DEPDC1B: variants seen among roughly 807,000 people sequenced by gnomAD.
DEPDC1B encodes the protein DEP domain-containing protein 1B.
Under a neutral mutation model 66.5 loss-of-function variants are expected in DEPDC1B, and 51 were observed. The ratio of observed to expected loss-of-function variants is 0.77; its 90% confidence interval spans 0.61 to 0.97. The LOEUF is 0.97. Among genes scored for constraint, DEPDC1B ranks in the 50% least tolerant of loss-of-function variants. DEPDC1B has a pLI of 0.00. For synonymous variants in DEPDC1B, 226 were observed against 223.6 expected (o/e 1.01, Z -0.10); for missense variants, 552 against 637.1 (o/e 0.87, Z 1.44).
rs1217063928 is a variant in DEPDC1B, at chr5:60,683,957, T to A, written c.314+3005A>T. Among the ~76,000 whole-genome samples the A allele has an allele frequency of 3.3e-5, 5 of 150,454 alleles. No individual in the cohort carries two copies. In the East Asian group the frequency reaches 9.8e-4, roughly 29 times the overall value. The stretch of plus-strand genomic sequence containing the variant: ...AATCAGTAGCATTTCTATACACCAA[T>A]AACAAACTAGCTGAAAAGAAATCAA... On this transcript the variant is annotated intron_variant, in intron 2 of 10. Transcript: ENST00000265036.
At chr5:60,656,678 T>A (rs979508928) in intron 2 of DEPDC1B, among the ~76,000 whole-genome samples, 2 of 152,126 alleles carry the variant, frequency 1.3e-5, no homozygotes, top group Non-Finnish European at 2.9e-5. Flanking sequence ...GTGTCCTTCT[T>A]CACAAGGCAG....
Position 60,616,152 on chromosome 5 carries a change from C to T in DEPDC1B, c.899-10296G>A, listed in dbSNP as rs368167388. Among the ~76,000 whole-genome samples the T allele has an allele frequency of 1.3e-4, 20 of 152,226 alleles. No homozygotes were observed. The East Asian group carries it at 3.9e-3, about 29-fold the overall frequency. On this transcript the variant is annotated intron_variant, in intron 7 of 10. Coordinates refer to ENST00000265036, the MANE Select transcript of DEPDC1B (RefSeq NM_018369.3). ...CAAAACCCCATCTGTACGTCACCAT[C>T]ATCAAAGACCAAAGGTAAATAAAAC...
At chr5:60,691,986 T>C (rs924861745) in intron 1 of DEPDC1B, among the ~76,000 whole-genome samples, 1 of 152,166 alleles carries the variant, frequency 6.6e-6, no homozygotes, top group African/African-American at 2.4e-5. Flanking sequence ...ATATACAATA[T>C]AATACTATTC....
At chr5:60,625,306 T>C (rs1028115131) in intron 7 of DEPDC1B, among the ~76,000 whole-genome samples, 38 of 152,192 alleles carry the variant, frequency 2.5e-4, no homozygotes, top group African/African-American at 8.7e-4. Flanking sequence ...TTCTAGATCC[T>C]TGAGGAATTG....
chr5:60,636,677 C>G (rs979404131), intron 7 of DEPDC1B, among the ~76,000 whole-genome samples: 1 of 151,960 alleles, frequency 6.6e-6, no homozygotes, highest in Admixed American at 6.6e-5. Flanking sequence ...ATCTAGAAGG[C>G]CTTCTTCTTT....
Position 60,597,190 on chromosome 5 carries a change from A to G in DEPDC1B, c.*563T>C. On this transcript the variant is annotated 3_prime_UTR_variant, in exon 11 of 11. Coordinates refer to ENST00000265036, the MANE Select transcript of DEPDC1B (RefSeq NM_018369.3). ...AACACTAGCTTTAGTAAAATCTGTC[A>G]TAACATCCAATAAATCTGCAATAAA... is the stretch of plus-strand genomic sequence containing the variant. The G allele has an allele frequency of 6.6e-6, 1 of 152,654 alleles. No individual in the cohort carries two copies. The highest frequency in any genetic ancestry group is 1.9e-4 in the East Asian group (1 of 5,208). 9.5% of individuals were successfully genotyped at this position (152,654 alleles called of 1,614,324 possible).
At chr5:60,654,035 A>G (rs1232805357) in intron 2 of DEPDC1B, among the ~76,000 whole-genome samples, 2 of 149,286 alleles carry the variant, frequency 1.3e-5, no homozygotes, top group Non-Finnish European at 2.9e-5. Flanking sequence ...AAGTCAGGCA[A>G]TGTAATACTT....
intron 1 of DEPDC1B, among the ~76,000 whole-genome samples, chr5:60,699,017 A>G (rs1301770196): frequency 2.0e-5 from 3 of 152,188 alleles, no homozygotes; most frequent in Non-Finnish European, 4.4e-5. Context: ...AGCCAAATTT[A>G]AAAAGTAAAG....
chr5:60,626,190 A>G (rs777092499), intron 7 of DEPDC1B, among the ~76,000 whole-genome samples: 3 of 152,196 alleles, frequency 2.0e-5, no homozygotes, highest in Non-Finnish European at 4.4e-5. Context: ...ATTTCATAAA[A>G]ATGGAATCTT....
chr5:60,612,436 AAAT>A (rs1301055657), intron 7 of DEPDC1B, among the ~76,000 whole-genome samples: 1 of 151,392 alleles, frequency 6.6e-6, no homozygotes, highest in African/African-American at 2.4e-5. Context: ...AAAAAAAAAA[AAAT>A]AGAATTATGC....
At chr5:60,700,017 T>C (rs1442477476) in intron 1 of DEPDC1B, 29 bp downstream of exon 1, 3 of 1,548,356 alleles carry the variant, frequency 1.9e-6, no homozygotes, top group South Asian at 1.2e-5. Context: ...CACCGGGTGC[T>C]CCGCCCAGGC....
intron 2 of DEPDC1B, among the ~76,000 whole-genome samples, chr5:60,680,442 C>A (rs1181907600): frequency 6.6e-6 from 1 of 152,108 alleles, no homozygotes; most frequent in African/African-American, 2.4e-5. Context: ...AATTTAAATG[C>A]ATTCACAGAA....
chr5:60,653,720 C>T (rs564488497), intron 2 of DEPDC1B, among the ~76,000 whole-genome samples: 25 of 151,732 alleles, frequency 1.6e-4, no homozygotes, highest in South Asian at 2.1e-4. Flanking sequence ...TGATGTTCTG[C>T]GATTTTTATG....
chr5:60,626,043 A>AT (rs573115230), intron 7 of DEPDC1B, among the ~76,000 whole-genome samples: 185 of 151,374 alleles, frequency 1.2e-3, no homozygotes, highest in African/African-American at 4.1e-3. Context: ...GATTCTAGTG[A>AT]TTTTTTTTGT....
chr5:60,611,815 C>T lies in DEPDC1B; in HGVS notation c.899-5959G>A, dbSNP rs1344172540. Among the ~76,000 whole-genome samples, 4 of 152,162 alleles carry T rather than the reference C, an allele frequency of 2.6e-5. No individual in the cohort carries two copies. In the East Asian group the frequency reaches 7.7e-4, roughly 29 times the overall value. ...TATGAGGTTTGAGGAAAGAGGCTGT[C>T]TTCATAACATAAAAGTGCAAGGTGA... On this transcript the variant is annotated intron_variant, in intron 7 of 10. Transcript: ENST00000265036.
chr5:60,601,991 GCATGT>G (rs941621922), intron 9 of DEPDC1B, among the ~76,000 whole-genome samples: 3 of 152,146 alleles, frequency 2.0e-5, no homozygotes, highest in Non-Finnish European at 4.4e-5. Context: ...CTAACAAAAG[GCATGT>G]CATGAATTCA....
At position 60,603,401 on chromosome 5, in the gene DEPDC1B, C is replaced by T. The variant is rs764656419; in HGVS notation, c.1232G>A (p.Arg411Gln). 3 of 1,576,828 alleles carry T rather than the reference C, an allele frequency of 1.9e-6. No individual in the cohort carries two copies. Among genetic ancestry groups the T allele is most frequent in the South Asian group, 1.2e-5 (1 of 83,588 alleles). Residue 411 changes from arginine (R) to glutamine (Q), a missense_variant, in exon 9 of 11, where the codon CGA becomes CAA. Transcript: ENST00000265036. ...TATCCTCTCCTTTACCTGGACTCTT[C>T]GTAGATGAGCCACACGCTCCTCTAT... ...TSIEERVAHL[R>Q]RVQIKYPGAD...
At chr5:60,619,013 T>A (rs1192655206) in intron 7 of DEPDC1B, among the ~76,000 whole-genome samples, 1 of 152,176 alleles carries the variant, frequency 6.6e-6, no homozygotes, top group Admixed American at 6.5e-5. Flanking sequence ...TAATCCAGCA[T>A]ATAAACAGAA....
At chr5:60,667,942 ATGGATATTTTATATATAT>A (rs1381103292) in intron 2 of DEPDC1B, among the ~76,000 whole-genome samples, 3 of 123,076 alleles carry the variant, frequency 2.4e-5, no homozygotes, top group Non-Finnish European at 3.2e-5. Context: ...TATATATAAA[ATGGATATTTTATATATAT>A]AATGGATATT....
Sources: gnomAD v4.1 joint callset for allele counts (sites outside exome capture counted in the v4.1 genomes callset) on GRCh38, gnomAD v4.1.1 for gene constraint, MANE v1.5 for transcripts, NCBI Gene and HGNC (gene_info 2026-07-23, HGNC 2026-07-21) for gene names.